UBN2: variants seen among roughly 807,000 people sequenced by gnomAD.
UBN2 encodes ubinuclein 2.
In UBN2, 35 loss-of-function variants were observed where a neutral mutation model predicts 120.2. That is an observed-to-expected ratio of 0.29 (90% CI 0.22 to 0.39). The LOEUF (loss-of-function observed/expected upper bound fraction) is 0.39. UBN2 is among the 10% of genes least tolerant of loss of function. The pLI, the probability that UBN2 is intolerant of heterozygous loss-of-function variation, is 1.00. For missense variants in UBN2, 1,693 were observed against 1,663.2 expected, an observed-to-expected ratio of 1.02 and a Z score of -0.31; for synonymous variants, 661 against 648.7, an observed-to-expected ratio of 1.02 and a Z score of -0.29.
chr7:139,284,227 A>G lies in UBN2; in HGVS notation c.3322A>G (p.Ser1108Gly), dbSNP rs765634874. ...VAQGSHSSTN[S>G]PVHKQPSGMN... ...CCAGGGTAGCCACTCCAGCACTAAC[A>G]GCCCAGTCCATAAACAGCCCAGTGG... Residue 1108 changes from serine to glycine, a missense_variant, in exon 15 of 18, where the codon AGC becomes GGC. Ser to Gly is a moderately conservative substitution (Grantham distance 56). Coordinates refer to ENST00000473989, the MANE Select transcript of UBN2 (RefSeq NM_173569.4). The G allele has an allele frequency of 1.2e-6, 2 of 1,614,164 alleles. No individual in the cohort carries two copies. The highest frequency in any genetic ancestry group is 8.5e-7 in the Non-Finnish European group (1 of 1,180,030).
At chr7:139,235,706 CT>C (rs759886828) in intron 1 of UBN2, among the ~76,000 whole-genome samples, 3 of 152,186 alleles carry the variant, frequency 2.0e-5, no homozygotes, top group Non-Finnish European at 4.4e-5. Context: ...TGCGCCTGGC[CT>C]TTCATTGGTA....
At chr7:139,262,606 T>TCAGA (rs1459916066) in intron 6 of UBN2, among the ~76,000 whole-genome samples, 61 of 151,162 alleles carry the variant, frequency 4.0e-4, no homozygotes, top group Admixed American at 4.0e-3. Flanking sequence ...TCCCAGCTAC[T>TCAGA]CAGAGGCTGA....
chr7:139,251,707 T>C (rs553440414), intron 2 of UBN2, among the ~76,000 whole-genome samples: 2 of 152,368 alleles, frequency 1.3e-5, no homozygotes, highest in South Asian at 2.1e-4. Flanking sequence ...CCTGTTGACG[T>C]TGACTGTAGT....
In UBN2 at chr7:139,273,871, T is replaced by C. The variant is rs1404924472; in HGVS notation, c.1830-60T>C. 9.8e-6 allele frequency: 14 copies of C among 1,424,348 alleles called. No individual in the cohort carries two copies. In the East Asian group the frequency reaches 3.2e-4, roughly 32 times the overall value. 88.2% of individuals were successfully genotyped at this position (1,424,348 alleles called of 1,614,324 possible). On this transcript the variant is annotated intron_variant, in intron 10 of 17. Coordinates refer to ENST00000473989, the MANE Select transcript of UBN2 (RefSeq NM_173569.4). The stretch of plus-strand genomic sequence containing the variant: ...TGAATTTTTCACATAATCTGTATTA[T>C]TGCTGCCAAATGTATGTTCTTCTAA...
chr7:139,246,554 A>AT (rs1411453109), intron 2 of UBN2, among the ~76,000 whole-genome samples: 35 of 152,246 alleles, frequency 2.3e-4, no homozygotes, highest in African/African-American at 8.2e-4. Context: ...TTGAAATAGC[A>AT]TTATTGAGGT....
chr7:139,281,754 C>T (rs1765003266), intron 13 of UBN2, among the ~76,000 whole-genome samples: 1 of 152,096 alleles, frequency 6.6e-6, no homozygotes, highest in African/African-American at 2.4e-5. Flanking sequence ...CATTTCCTAC[C>T]CTTTATTGTG....
chr7:139,237,037 T>C lies in UBN2; in HGVS notation c.501T>C (p.Asn167=). The C allele has an allele frequency of 6.2e-7, 1 of 1,611,732 alleles. No individual in the cohort carries two copies. Among genetic ancestry groups the C allele is most frequent in the Admixed American group, 1.7e-5 (1 of 59,892 alleles). ...KKLIHTEDPF[N]DEHQERQEVE... is the part of the protein sequence containing the mutation. ...TCATTCACACAGAAGACCCATTTAATGATGAACATCAGGAGAGGCAAGAGG... is the reference window on the plus strand; with the variant it reads ...TCATTCACACAGAAGACCCATTTAACGATGAACATCAGGAGAGGCAAGAGG... The change falls in exon 2 of 18, where the codon AAT becomes AAC. Residue 167 remains asparagine (N), a synonymous_variant. Transcript: ENST00000473989.
intron 8 of UBN2, among the ~76,000 whole-genome samples, chr7:139,271,911 G>A (rs1053580803): frequency 2.0e-5 from 3 of 152,160 alleles, no homozygotes; most frequent in Non-Finnish European, 4.4e-5. Flanking sequence ...CCAAACACGT[G>A]TCTTCGTGTT....
chr7:139,273,190 CCTCT>C (rs1797340006), intron 9 of UBN2, 103 bp from the exon 10 acceptor site: 1 of 599,568 alleles, frequency 1.7e-6, no homozygotes, highest in Non-Finnish European at 2.7e-6. Flanking sequence ...CCGTCTTTAC[CCTCT>C]CTTTTAACAT....
At chr7:139,260,586 TAGC>T (rs1468001094) in intron 5 of UBN2, among the ~76,000 whole-genome samples, 1 of 152,164 alleles carries the variant, frequency 6.6e-6, no homozygotes, top group East Asian at 1.9e-4. Context: ...TTACTCTACT[TAGC>T]AGTGGAGGTG....
chr7:139,328,672 C>G, the UBN2 span, among the ~76,000 whole-genome samples: 1 of 152,062 alleles, frequency 6.6e-6, no homozygotes, highest in African/African-American at 2.4e-5. Flanking sequence ...GAACCAGCAT[C>G]AGCATTATGA....
rs370583210 is a variant in UBN2, at chr7:139,284,392, T to C, written c.3487T>C (p.Leu1163=). 101 of 1,614,190 alleles carry C rather than the reference T, an allele frequency of 6.3e-5. No homozygotes were observed. Among genetic ancestry groups the C allele is most frequent in the Non-Finnish European group, 8.3e-5 (98 of 1,180,036 alleles). Residue 1163 remains leucine, a synonymous_variant, in exon 15 of 18, where the codon TTG becomes CTG. Coordinates refer to ENST00000473989, the MANE Select transcript of UBN2 (RefSeq NM_173569.4). ...SSTGTVGKNS[L]SGIAMNVPAS... ...CACTGGAACTGTTGGGAAGAACAGCTTGAGTGGAATTGCAATGAATGTACC... is the reference window on the plus strand; with the variant it reads ...CACTGGAACTGTTGGGAAGAACAGCCTGAGTGGAATTGCAATGAATGTACC...
Position 139,240,842 on chromosome 7 carries a change from A to G in UBN2, c.561+3745A>G, listed in dbSNP as rs1796301552. The stretch of plus-strand genomic sequence containing the variant: ...TTTTTGGGAAAAGGTCAATATGACT[A>G]TTAAGTACCTATTTTTACCTAGATT... On this transcript the variant is annotated intron_variant, in intron 2 of 17. Transcript: ENST00000473989. 5.3e-5 allele frequency among the ~76,000 whole-genome samples: 8 copies of G among 152,348 alleles called. No individual in the cohort carries two copies. In the South Asian group the frequency reaches 1.7e-3, roughly 32 times the overall value.
rs1798394552 is a variant in UBN2 at position 139,308,029 on chromosome 7, T to TG, written c.*10193_*10194insG. ...CTTCAGTGCAGGGATTTTTGTGTTT[T>TG]TTTTTTTTTTTTAATTTTTTTGCAA... On this transcript the variant is annotated 3_prime_UTR_variant, in exon 18 of 18. Coordinates refer to ENST00000473989, the MANE Select transcript of UBN2 (RefSeq NM_173569.4). The TG allele has an allele frequency of 1.3e-5, 2 of 151,856 alleles. No homozygotes were observed. The highest frequency in any genetic ancestry group is 2.4e-5 in the African/African-American group (1 of 41,402). 9.4% of individuals were successfully genotyped at this position (151,856 alleles called of 1,614,324 possible).
chr7:139,243,413 C>G (rs1796375315), intron 2 of UBN2, among the ~76,000 whole-genome samples: 1 of 152,088 alleles, frequency 6.6e-6, no homozygotes, highest in Admixed American at 6.6e-5. Flanking sequence ...GACTTTGATT[C>G]TGTTGCAGTA....
At chr7:139,238,314 T>C (rs1379168760) in intron 2 of UBN2, among the ~76,000 whole-genome samples, 1 of 152,286 alleles carries the variant, frequency 6.6e-6, no homozygotes, top group East Asian at 1.9e-4. Context: ...CATTTGAAGG[T>C]AGAAGAAGTA....
Position 139,293,873 on chromosome 7 carries a change from TC to T in UBN2, c.3902-15del, listed in dbSNP as rs1210076897. 2 of 1,612,274 alleles carry T rather than the reference TC, an allele frequency of 1.2e-6. No individual in the cohort carries two copies. Among genetic ancestry groups the T allele is most frequent in the South Asian group, 2.2e-5 (2 of 91,020 alleles). ...TCTGGATTTAAAGATGACTGACAAGTCTGTTTTCCTCTCAGATTTACTAAAG... is the reference window on the plus strand; with the variant it reads ...TCTGGATTTAAAGATGACTGACAAGTTGTTTTCCTCTCAGATTTACTAAAG... On this transcript the variant is annotated splice_polypyrimidine_tract_variant and intron_variant, in intron 16 of 17. Coordinates refer to ENST00000473989, the MANE Select transcript of UBN2 (RefSeq NM_173569.4).
At position 139,261,571 on chromosome 7, in the gene UBN2, G is replaced by A. The variant is rs771487652; in HGVS notation, c.1225G>A (p.Asp409Asn). The A allele has an allele frequency of 6.2e-6, 10 of 1,614,040 alleles. No homozygotes were observed. The highest frequency in any genetic ancestry group is 1.1e-5 in the South Asian group (1 of 91,074). Residue 409 changes from aspartate to asparagine, a missense_variant, in exon 6 of 18, where the codon GAC (aspartate) becomes AAC (asparagine). Physicochemically the swap from Asp to Asn is conservative, Grantham distance 23. This residue lies in a region of UBN2 where 663 missense variants were observed against 591.2 expected (regional missense o/e 1.12). Transcript: ENST00000473989. ...AGAGATGCTAGATGATTTTGACTTC[G>A]ACAGATTACTGGATGCTGCTTCTGA... ...ALEMLDDFDF[D>N]RLLDAASDGS...
At chr7:139,262,266 A>G (rs894287434) in intron 6 of UBN2, among the ~76,000 whole-genome samples, 7 of 151,064 alleles carry the variant, frequency 4.6e-5, no homozygotes, top group Admixed American at 2.0e-4. Flanking sequence ...CCCCCGGCTA[A>G]TTTTTGTATG....
Sources: allele counts gnomAD v4.1 joint callset (sites outside exome capture counted in the v4.1 genomes callset), GRCh38; gene constraint gnomAD v4.1.1; regional missense constraint gnomAD v4.1.1; transcripts MANE v1.5; gene names NCBI Gene and HGNC (gene_info 2026-07-23, HGNC 2026-07-21).